ERCC6L2: variants seen among roughly 807,000 people sequenced by gnomAD.
ERCC6L2 encodes the protein ERCC excision repair 6 like 2.
In ERCC6L2, 77 loss-of-function variants were observed where a neutral mutation model predicts 132.0. The observed-to-expected ratio is 0.58, with a 90% confidence interval of 0.49 to 0.71. ERCC6L2 has a LOEUF of 0.71. ERCC6L2 is among the 30% of genes least tolerant of loss of function. The pLI, the probability that ERCC6L2 is intolerant of heterozygous loss-of-function variation, is 0.00. For synonymous variants in ERCC6L2, 583 were observed against 632.4 expected (o/e 0.92, Z 1.17); for missense variants, 1,542 against 1,837.6 (o/e 0.84, Z 2.94).
intron 17 of ERCC6L2, among the ~76,000 whole-genome samples, chr9:95,998,261 G>A (rs1027925878): frequency 3.3e-5 from 5 of 152,096 alleles, no homozygotes; most frequent in Non-Finnish European, 7.3e-5. Context: ...GAGGGTCGGT[G>A]GACCCAGGTT....
At chr9:95,999,373 A>AG (rs398011549) in intron 17 of ERCC6L2, among the ~76,000 whole-genome samples, 1 of 151,856 alleles carries the variant, frequency 6.6e-6, no homozygotes, top group East Asian at 1.9e-4. Context: ...AAAAAAAAAA[A>AG]TTTCCTTTTA....
intron 17 of ERCC6L2, among the ~76,000 whole-genome samples, chr9:95,979,827 C>A (rs553316164): frequency 6.6e-6 from 1 of 152,118 alleles, no homozygotes; most frequent in Non-Finnish European, 1.5e-5. Context: ...CAGAAACTTG[C>A]TTTGTTAGGA....
chr9:96,004,869 G>A (rs1833813764), intron 18 of ERCC6L2, 168 bp downstream of exon 18: 1 of 382,752 alleles, frequency 2.6e-6, no homozygotes, highest in Non-Finnish European at 4.9e-6. Flanking sequence ...GTTGTTAGAA[G>A]GCTAATCCCT....
At chr9:95,923,488 A>C in intron 9 of ERCC6L2, 109 bp downstream of exon 9, 1 of 1,279,744 alleles carries the variant, frequency 7.8e-7, no homozygotes, top group South Asian at 1.4e-5. Context: ...CATTCAGAAG[A>C]GATGGTGGCT....
chr9:95,923,244 G>T lies in ERCC6L2; in HGVS notation c.1414-16G>T. On this transcript the variant is annotated splice_polypyrimidine_tract_variant and intron_variant, in intron 8 of 18. Transcript: ENST00000653738. ...GTTAAGTGGAAATATCTTTTCTTCT[G>T]CCTTTTCCCTTCAAGGAAACACTTA... 2 of 1,610,728 alleles carry T rather than the reference G, an allele frequency of 1.2e-6. No homozygotes were observed. Among genetic ancestry groups the T allele is most frequent in the Non-Finnish European group, 1.7e-6 (2 of 1,178,078 alleles).
chr9:95,912,429 A>G (rs1171371538), intron 4 of ERCC6L2, among the ~76,000 whole-genome samples: 2 of 152,106 alleles, frequency 1.3e-5, no homozygotes, highest in Non-Finnish European at 2.9e-5. Flanking sequence ...GCAAAATGTA[A>G]GTTAATGTAT....
At chr9:95,981,249 G>T (rs1419566108) in intron 17 of ERCC6L2, among the ~76,000 whole-genome samples, 3 of 152,090 alleles carry the variant, frequency 2.0e-5, no homozygotes, top group African/African-American at 7.2e-5. Context: ...TGGTCTTTCA[G>T]AGTTTTTCCA....
chr9:96,025,454 C>T (rs1008582776), intron 19 of ERCC6L2, among the ~76,000 whole-genome samples: 3 of 152,188 alleles, frequency 2.0e-5, no homozygotes, highest in Admixed American at 2.0e-4. Context: ...CAGTGTGATC[C>T]GGAATGCCTC....
At chr9:95,884,371 G>A (rs1408203838) in intron 2 of ERCC6L2, among the ~76,000 whole-genome samples, 1 of 152,112 alleles carries the variant, frequency 6.6e-6, no homozygotes, top group Non-Finnish European at 1.5e-5. Flanking sequence ...TAAGCCAGTT[G>A]AAGAAATGTG....
chr9:95,915,895 A>T (rs536730771), intron 5 of ERCC6L2, 66 bp downstream of exon 5: 1 of 1,431,582 alleles, frequency 7.0e-7, no homozygotes, highest in African/African-American at 1.4e-5. Context: ...CTTGTTTGCT[A>T]ATCATTAGTT....
intron 19 of ERCC6L2, among the ~76,000 whole-genome samples, chr9:96,023,544 C>A (rs1422336781): frequency 6.6e-6 from 1 of 152,154 alleles, no homozygotes; most frequent in Non-Finnish European, 1.5e-5. Flanking sequence ...ATGCTTCATT[C>A]TTTTAACTGT....
rs188384076 is a variant in ERCC6L2, at chr9:95,917,023, A to G, written c.1158+589A>G. On this transcript the variant is annotated intron_variant, in intron 6 of 18. Coordinates refer to ENST00000653738, the MANE Select transcript of ERCC6L2 (RefSeq NM_020207.7). ...TGATGCAGTTTTTCCCCAGTAAAGA[A>G]GGAAGAGCTTCTCTCTGCAGTGTGT... Among the ~76,000 whole-genome samples the G allele has an allele frequency of 1.7e-3, 265 of 152,266 alleles. 1 individual carries two copies. The highest frequency in any genetic ancestry group is 2.3e-3 in the Non-Finnish European group (156 of 68,014).
At chr9:95,950,027 A>G (rs984857926) in intron 12 of ERCC6L2, among the ~76,000 whole-genome samples, 1 of 152,080 alleles carries the variant, frequency 6.6e-6, no homozygotes, top group African/African-American at 2.4e-5. Flanking sequence ...AAAAAAAAAA[A>G]AAAATCCTAA....
At chr9:95,997,867 T>G (rs190427285) in intron 17 of ERCC6L2, among the ~76,000 whole-genome samples, 96 of 152,364 alleles carry the variant, frequency 6.3e-4, no homozygotes, top group African/African-American at 2.2e-3. Flanking sequence ...GTATGTTGTT[T>G]TATAATAAGT....
intron 1 of ERCC6L2, among the ~76,000 whole-genome samples, chr9:95,877,411 AT>A (rs1184392325): frequency 1.3e-5 from 2 of 151,398 alleles, no homozygotes; most frequent in Non-Finnish European, 2.9e-5. Context: ...TTTAAATTAC[AT>A]TTCTCAATAC....
intron 20 of ERCC6L2, among the ~76,000 whole-genome samples, chr9:96,040,460 G>A (rs79478876): frequency 0.033 from 4,980 of 152,290 alleles, 115 homozygotes; most frequent in East Asian, 0.15. Flanking sequence ...TCTGATTCCA[G>A]GCAAGTCTGA....
intron 17 of ERCC6L2, among the ~76,000 whole-genome samples, chr9:96,002,672 A>T (rs1209859956): frequency 1.3e-5 from 2 of 152,064 alleles, no homozygotes; most frequent in African/African-American, 4.8e-5. Flanking sequence ...GGCTAAAAGT[A>T]ATCTGCCTAC....
At chr9:95,899,248 A>C (rs768579431) in intron 3 of ERCC6L2, among the ~76,000 whole-genome samples, 3 of 152,112 alleles carry the variant, frequency 2.0e-5, no homozygotes, top group African/African-American at 4.8e-5. Flanking sequence ...CCAGGAGTTA[A>C]AGACCAGCTT....
At chr9:95,962,500 A>G (rs1831954020) in intron 13 of ERCC6L2, among the ~76,000 whole-genome samples, 1 of 152,206 alleles carries the variant, frequency 6.6e-6, no homozygotes, top group African/African-American at 2.4e-5. Flanking sequence ...TGATACCTAT[A>G]TTACTTTGTG....
Sources: gnomAD v4.1 joint callset for allele counts (sites outside exome capture counted in the v4.1 genomes callset) on GRCh38, gnomAD v4.1.1 for gene constraint, MANE v1.5 for transcripts, NCBI Gene and HGNC (gene_info 2026-07-23, HGNC 2026-07-21) for gene names.